Variants in USP37 observed in about 807,000 individuals in gnomAD.
USP37 encodes the protein ubiquitin specific peptidase 37.
A neutral mutation model predicts 124.0 loss-of-function variants in USP37; 27 were observed. The observed-to-expected ratio is 0.22, with a 90% CI of 0.16 to 0.30. USP37 has a LOEUF of 0.30. Ranked by LOEUF, USP37 falls within the 10% of genes least tolerant of loss-of-function variation. The probability of loss-of-function intolerance (pLI) is 1.00; values close to 1 mark genes in which losing one functional copy is unlikely to be tolerated. For missense variants in USP37, 889 were observed against 1,140.4 expected, an observed-to-expected ratio of 0.78 and a Z score of 3.17; for synonymous variants, 365 against 388.0, an observed-to-expected ratio of 0.94 and a Z score of 0.70.
Position 218,475,023 on chromosome 2 carries a change from A to T in USP37, c.2044-138T>A, listed in dbSNP as rs546867228. ...TTGGGTTATTTAACAATCAATAACCAATATATAAACTAAATGGTGAGTCTA... is the reference window on the plus strand; with the variant it reads ...TTGGGTTATTTAACAATCAATAACCTATATATAAACTAAATGGTGAGTCTA... On this transcript the variant is annotated intron_variant, in intron 19 of 25. Coordinates refer to ENST00000258399, the MANE Select transcript of USP37 (RefSeq NM_020935.3). 9.2e-4 allele frequency: 707 copies of T among 767,346 alleles called. 1 individual carries two copies. In the African/African-American group the frequency reaches 0.011, roughly 12 times the overall value. 47.5% of individuals were successfully genotyped at this position (767,346 alleles called of 1,614,324 possible).
At chr2:218,503,440 G>T (rs987671058) in intron 11 of USP37, among the ~76,000 whole-genome samples, 1 of 152,230 alleles carries the variant, frequency 6.6e-6, no homozygotes, top group Non-Finnish European at 1.5e-5. Flanking sequence ...AAATGGGCTG[G>T]GCGCGGTGGC....
intron 4 of USP37, among the ~76,000 whole-genome samples, chr2:218,558,167 T>C (rs1693127145): frequency 6.6e-6 from 1 of 152,038 alleles, no homozygotes; most frequent in Admixed American, 6.6e-5. Flanking sequence ...TCCATCGTCA[T>C]GTATGTTAAG....
At chr2:218,517,470 C>G (rs1173364376) in intron 10 of USP37, among the ~76,000 whole-genome samples, 3 of 152,128 alleles carry the variant, frequency 2.0e-5, no homozygotes, top group African/African-American at 7.2e-5. Context: ...GTCTATTTCA[C>G]CTTTACTTCG....
chr2:218,547,159 T>C, intron 6 of USP37, 68 bp from the exon 7 acceptor site: 1 of 1,492,856 alleles, frequency 6.7e-7, no homozygotes, highest in South Asian at 1.3e-5. Context: ...ACAGTGATTC[T>C]CCAATGGAAA....
intron 5 of USP37, 58 bp downstream of exon 5, chr2:218,553,495 G>A: frequency 6.8e-7 from 1 of 1,472,332 alleles, no homozygotes; most frequent in Non-Finnish European, 9.1e-7. Flanking sequence ...TTGGTCTGTA[G>A]TCTAGTCATA....
intron 4 of USP37, among the ~76,000 whole-genome samples, chr2:218,553,999 TA>T (rs1264126854): frequency 6.6e-6 from 1 of 152,168 alleles, no homozygotes; most frequent in African/African-American, 2.4e-5. Context: ...AGAATTGTTT[TA>T]AAAAAGCCCT....
chr2:218,474,639 T>C lies in USP37; in HGVS notation c.2290A>G (p.Thr764Ala). 1 of 1,614,160 alleles carries C rather than the reference T, an allele frequency of 6.2e-7. No individual in the cohort carries two copies. The highest frequency in any genetic ancestry group is 8.5e-7 in the Non-Finnish European group (1 of 1,180,034). ...TCTTCATTAAACCTACCCAGCTCTG[T>C]GATTGTTTTGGGCTTCTCAGTTTCC... The part of the protein sequence containing the change: ...TMETEKPKTI[T>A]ELDPASFTEI... Residue 764 changes from threonine (T) to alanine (A), a missense_variant, in exon 20 of 26, where the codon ACA (threonine) becomes GCA (alanine). Thr to Ala is a moderately conservative substitution (Grantham distance 58, BLOSUM62 0). Coordinates refer to ENST00000258399, the MANE Select transcript of USP37 (RefSeq NM_020935.3).
intron 14 of USP37, among the ~76,000 whole-genome samples, chr2:218,491,924 G>A (rs1047808035): frequency 6.6e-6 from 1 of 152,190 alleles, no homozygotes; most frequent in Non-Finnish European, 1.5e-5. Flanking sequence ...TGGGGGCCAG[G>A]TGTGGGGGCT....
At position 218,476,995 on chromosome 2, in the gene USP37, A is replaced by G. The variant is rs775814892; in HGVS notation, c.1902-14T>C. Reference sequence around the variant, plus strand: ...AAGGTGAATTTCCTGTAATTTAAGGAAAAAAAAAAAAGCCTGATAAACATT... The same window carrying G: ...AAGGTGAATTTCCTGTAATTTAAGGGAAAAAAAAAAAGCCTGATAAACATT... On this transcript the variant is annotated splice_polypyrimidine_tract_variant and intron_variant, in intron 18 of 25. Transcript: ENST00000258399. The G allele has an allele frequency of 1.6e-4, 71 of 434,884 alleles. No homozygotes were observed. Among genetic ancestry groups the G allele is most frequent in the Non-Finnish European group, 2.2e-4 (66 of 304,876 alleles). 26.9% of individuals were successfully genotyped at this position (434,884 alleles called of 1,614,324 possible). A position where few individuals can be genotyped will look rare whatever the true frequency, so the allele number is the denominator to read the frequency against.
chr2:218,540,110 A>T (rs1691889785), intron 8 of USP37, among the ~76,000 whole-genome samples: 1 of 152,190 alleles, frequency 6.6e-6, no homozygotes, highest in Non-Finnish European at 1.5e-5. Context: ...AATTGCCAGC[A>T]TCACTACTGT....
intron 18 of USP37, among the ~76,000 whole-genome samples, chr2:218,479,115 G>A (rs1377185831): frequency 6.6e-6 from 1 of 152,142 alleles, no homozygotes; most frequent in Non-Finnish European, 1.5e-5. Context: ...AAAAAGGCAT[G>A]TGCTTCCCTC....
At chr2:218,506,013 G>A (rs1689660044) in intron 11 of USP37, among the ~76,000 whole-genome samples, 2 of 151,758 alleles carry the variant, frequency 1.3e-5, no homozygotes, top group African/African-American at 2.4e-5. Flanking sequence ...AGAGGTGCAC[G>A]CCACCAAGCC....
intron 10 of USP37, among the ~76,000 whole-genome samples, chr2:218,523,364 C>T (rs1479182077): frequency 6.6e-6 from 1 of 152,196 alleles, no homozygotes; most frequent in Non-Finnish European, 1.5e-5. Flanking sequence ...TGAACATTTC[C>T]TTTGAGCATG....
At chr2:218,518,474 A>C (rs1488024743) in intron 10 of USP37, among the ~76,000 whole-genome samples, 1 of 152,208 alleles carries the variant, frequency 6.6e-6, no homozygotes, top group Non-Finnish European at 1.5e-5. Context: ...TATTTAATCA[A>C]ATCTAAGATA....
chr2:218,524,357 C>T (rs1295136572), intron 10 of USP37, among the ~76,000 whole-genome samples: 1 of 152,184 alleles, frequency 6.6e-6, no homozygotes, highest in Non-Finnish European at 1.5e-5. Flanking sequence ...ACCTAGTCCT[C>T]CCAAAGTGCT....
At chr2:218,487,721 CA>C (rs1345499125) in intron 15 of USP37, among the ~76,000 whole-genome samples, 1 of 151,942 alleles carries the variant, frequency 6.6e-6, no homozygotes, top group African/African-American at 2.4e-5. Context: ...GCCTGGCCAA[CA>C]AACTATTTCT....
chr2:218,482,251 G>T lies in USP37; in HGVS notation c.1671-17C>A, dbSNP rs2105975113. ...ATGAGGACCCTGAAAAACAGGAGAT[G>T]ACAACCTTACTAATTCATACATAAT... On this transcript the variant is annotated splice_polypyrimidine_tract_variant and intron_variant, in intron 16 of 25. Coordinates refer to ENST00000258399, the MANE Select transcript of USP37 (RefSeq NM_020935.3). 6.2e-7 allele frequency: 1 copy of T among 1,603,570 alleles called. No homozygotes were observed. Among genetic ancestry groups the T allele is most frequent in the South Asian group, 1.1e-5 (1 of 90,086 alleles).
At chr2:218,567,577 A>C (rs993596240) in intron 1 of USP37, among the ~76,000 whole-genome samples, 22 of 152,138 alleles carry the variant, frequency 1.4e-4, no homozygotes, top group Non-Finnish European at 8.8e-5. Flanking sequence ...CACCTCAATA[A>C]AGGAATTTAT....
Position 218,547,076 on chromosome 2 carries a change from C to G in USP37, c.445G>C (p.Gly149Arg), listed in dbSNP as rs775515526. The G allele has an allele frequency of 1.3e-6, 2 of 1,596,254 alleles. No individual in the cohort carries two copies. Among genetic ancestry groups the G allele is most frequent in the South Asian group, 1.2e-5 (1 of 86,946 alleles). ...YSDNQASAKR[G>R]SLETKDDIPF... ...ATATCATCTTTAGTTTCCAAACTTC[C>G]TCTTTTTGCAGAAGCCTGTAAAAAT... Residue 149 changes from glycine to arginine, a missense_variant, in exon 7 of 26, where the codon GGA becomes CGA. By Grantham distance (125) the Gly-to-Arg change is moderately radical. Coordinates refer to ENST00000258399, the MANE Select transcript of USP37 (RefSeq NM_020935.3).
Sources: allele counts gnomAD v4.1 joint callset (sites outside exome capture counted in the v4.1 genomes callset), GRCh38; gene constraint gnomAD v4.1.1; transcripts MANE v1.5; gene names NCBI Gene and HGNC (gene_info 2026-07-23, HGNC 2026-07-21).